Variants in CTNNA3 observed in about 807,000 individuals in gnomAD.
The protein encoded by CTNNA3 is catenin alpha-3.
In CTNNA3, 76 loss-of-function variants were observed where a neutral mutation model predicts 95.7. The ratio of observed to expected loss-of-function variants is 0.79; its 90% CI spans 0.66 to 0.96. CTNNA3 has a LOEUF of 0.96. Among genes scored for constraint, CTNNA3 ranks in the 40% least tolerant of loss-of-function variants. The pLI, the probability that CTNNA3 is intolerant of heterozygous loss-of-function variation, is 0.00. For synonymous variants in CTNNA3, 431 were observed against 374.4 expected, an observed-to-expected ratio of 1.15 and a Z score of -1.74; for missense variants, 1,191 against 1,089.8, an observed-to-expected ratio of 1.09 and a Z score of -1.31.
chr10:67,297,590 G>T (rs543917259), intron 5 of CTNNA3, among the ~76,000 whole-genome samples: 1 of 152,090 alleles, frequency 6.6e-6, no homozygotes, highest in Non-Finnish European at 1.5e-5. Context: ...AATTCCCCAC[G>T]AAGCCATAGA....
intron 12 of CTNNA3, among the ~76,000 whole-genome samples, chr10:66,309,783 A>C (rs2091985921): frequency 7.1e-6 from 1 of 140,806 alleles, no homozygotes; most frequent in Admixed American, 7.1e-5. Context: ...TCCTTGGCCA[A>C]GTGCAGTGGC....
chr10:67,671,448 T>G (rs1840430589), intron 1 of CTNNA3, among the ~76,000 whole-genome samples: 1 of 152,124 alleles, frequency 6.6e-6, no homozygotes, highest in East Asian at 1.9e-4. Context: ...CATGTTGGTG[T>G]GCTGCACCCA....
intron 7 of CTNNA3, among the ~76,000 whole-genome samples, chr10:66,877,456 C>G (rs187925232): frequency 6.6e-6 from 1 of 152,166 alleles, no homozygotes; most frequent in Non-Finnish European, 1.5e-5. Flanking sequence ...CTGGCTCCAG[C>G]GTCTCTTTCA....
chr10:67,744,254 A>C (rs1437355400), intron 1 of CTNNA3, among the ~76,000 whole-genome samples: 3 of 151,400 alleles, frequency 2.0e-5, no homozygotes, highest in East Asian at 3.9e-4. Flanking sequence ...TTCACACTAT[A>C]CTACAAGGCT....
chr10:67,737,659 C>A (rs1360946840), intron 1 of CTNNA3, among the ~76,000 whole-genome samples: 5 of 152,152 alleles, frequency 3.3e-5, no homozygotes, highest in African/African-American at 4.8e-5. Context: ...AAAAAATGCT[C>A]ATCATCACTG....
chr10:66,258,082 C>A (rs2090859105), intron 13 of CTNNA3, among the ~76,000 whole-genome samples: 2 of 152,168 alleles, frequency 1.3e-5, no homozygotes, highest in African/African-American at 4.8e-5. Context: ...TAGCCTCCAC[C>A]TTTTCGGACA....
intron 5 of CTNNA3, among the ~76,000 whole-genome samples, chr10:67,394,935 AC>A (rs1184906294): frequency 2.0e-5 from 3 of 152,282 alleles, no homozygotes; most frequent in East Asian, 3.9e-4. Context: ...GATGTCAAAA[AC>A]ATGATATACT....
chr10:66,375,444 T>TG (rs773202713), intron 12 of CTNNA3, among the ~76,000 whole-genome samples: 3 of 152,248 alleles, frequency 2.0e-5, no homozygotes, highest in Non-Finnish European at 2.9e-5. Flanking sequence ...AAAACTCCAC[T>TG]GGCCACATAA....
intron 13 of CTNNA3, among the ~76,000 whole-genome samples, chr10:66,220,895 T>C (rs189628981): frequency 3.3e-5 from 5 of 152,108 alleles, no homozygotes; most frequent in African/African-American, 1.2e-4. Context: ...GGGGGTGAGG[T>C]GGGCCAGAGT....
intron 13 of CTNNA3, among the ~76,000 whole-genome samples, chr10:66,232,292 C>G (rs969656876): frequency 6.6e-6 from 1 of 152,092 alleles, no homozygotes; most frequent in Non-Finnish European, 1.5e-5. Flanking sequence ...AAAACTAATA[C>G]AGTTTAGTTC....
At chr10:66,147,608 GTTTTTT>G (rs34193216) in intron 13 of CTNNA3, among the ~76,000 whole-genome samples, 19 of 105,784 alleles carry the variant, frequency 1.8e-4, no homozygotes, top group African/African-American at 6.7e-4. Context: ...GTTGCTTTCA[GTTTTTT>G]TTTTTTTTTT....
At chr10:66,555,557 AC>A (rs1451852535) in intron 10 of CTNNA3, among the ~76,000 whole-genome samples, 1 of 151,972 alleles carries the variant, frequency 6.6e-6, no homozygotes, top group Admixed American at 6.6e-5. Context: ...TGACTGGACT[AC>A]CTCCTGATTT....
intron 15 of CTNNA3, among the ~76,000 whole-genome samples, chr10:66,028,888 G>C (rs2079397276): frequency 6.6e-6 from 1 of 151,936 alleles, no homozygotes; most frequent in Admixed American, 6.6e-5. Flanking sequence ...CATAATACAG[G>C]TATAGGGTGC....
intron 11 of CTNNA3, among the ~76,000 whole-genome samples, chr10:66,423,038 A>G (rs57084890): frequency 0.38 from 58,061 of 151,948 alleles, 11,658 homozygotes; most frequent in African/African-American, 0.5. Flanking sequence ...ACCTGGTGGT[A>G]GTTTTACAGC....
At chr10:66,157,368 T>C in intron 13 of CTNNA3, among the ~76,000 whole-genome samples, 1 of 152,096 alleles carries the variant, frequency 6.6e-6, no homozygotes, top group East Asian at 1.9e-4. Context: ...AAAATGCTGT[T>C]AATTCATTCC....
At position 67,262,710 on chromosome 10, in the gene CTNNA3, G is replaced by T. The variant is rs577714695; in HGVS notation, c.580-42840C>A. ...TTGGCGGGGAAAAATCCCTGCTAGA[G>T]ACAAAAAGGGGAACAAATTAAACAA... On this transcript the variant is annotated intron_variant, in intron 5 of 17. Transcript: ENST00000433211. Among the ~76,000 whole-genome samples, 60 of 151,924 alleles carry T rather than the reference G, an allele frequency of 3.9e-4. No homozygotes were observed. The South Asian group carries it at 0.012, about 31-fold the overall frequency.
chr10:66,344,058 C>T (rs139979767), intron 12 of CTNNA3, among the ~76,000 whole-genome samples: 9,140 of 151,014 alleles, frequency 0.061, 429 homozygotes, highest in East Asian at 0.1. Flanking sequence ...GAAACCCTGT[C>T]TCTACTAAAA....
At chr10:66,565,317 A>T (rs1842672645) in intron 10 of CTNNA3, among the ~76,000 whole-genome samples, 1 of 145,392 alleles carries the variant, frequency 6.9e-6, no homozygotes, top group Non-Finnish European at 1.5e-5. Flanking sequence ...TAAGAGATGG[A>T]GAGAGAAATA....
intron 7 of CTNNA3, among the ~76,000 whole-genome samples, chr10:67,115,013 G>T (rs539736470): frequency 4.1e-4 from 62 of 151,896 alleles, no homozygotes; most frequent in Non-Finnish European, 7.1e-4. Context: ...AGCATGTCTT[G>T]TCGTATGCCA....
Sources: allele counts gnomAD v4.1 joint callset (sites outside exome capture counted in the v4.1 genomes callset), GRCh38; gene constraint gnomAD v4.1.1; transcripts MANE v1.5; gene names NCBI Gene and HGNC (gene_info 2026-07-23, HGNC 2026-07-21).